NBAS: variants seen among roughly 807,000 people sequenced by gnomAD.
NBAS encodes NBAS subunit of NRZ tethering complex.
Under a neutral mutation model 302.5 loss-of-function variants are expected in NBAS, and 219 were observed. That is an observed-to-expected ratio of 0.72 (90% CI 0.65 to 0.81). The LOEUF (loss-of-function observed/expected upper bound fraction) is 0.81, where lower values mean the gene tolerates loss of function less well. Ranked by LOEUF, NBAS falls within the 30% of genes least tolerant of loss-of-function variation. The pLI, the probability that NBAS is intolerant of heterozygous loss-of-function variation, is 0.00. For missense variants in NBAS, 2,932 were observed against 2,841.6 expected (o/e 1.03, Z -0.72); for synonymous variants, 1,118 against 1,021.6 (o/e 1.09, Z -1.80).
At chr2:15,395,983 T>C (rs1675846406) in intron 27 of NBAS, among the ~76,000 whole-genome samples, 1 of 152,108 alleles carries the variant, frequency 6.6e-6, no homozygotes. Context: ...CAATGTATTA[T>C]GCCCTAAAAA....
intron 44 of NBAS, among the ~76,000 whole-genome samples, chr2:15,254,014 A>G (rs2147994757): frequency 6.6e-6 from 1 of 152,314 alleles, no homozygotes; most frequent in East Asian, 1.9e-4. Flanking sequence ...AGGAACGTGA[A>G]TTCTCCTAAG....
intron 48 of NBAS, among the ~76,000 whole-genome samples, chr2:15,198,950 C>T (rs527623400): frequency 1.0e-3 from 155 of 151,946 alleles, no homozygotes; most frequent in African/African-American, 3.5e-3. Context: ...CATGGGGAAA[C>T]CCCGTCTCTA....
chr2:15,476,027 T>C (rs1680177788), intron 13 of NBAS, 147 bp from the exon 14 acceptor site: 7 of 652,528 alleles, frequency 1.1e-5, no homozygotes, highest in Non-Finnish European at 1.8e-5. Context: ...AAAAATAAAA[T>C]GTAAGTCATT....
At position 15,383,311 on chromosome 2, in the gene NBAS, A is replaced by G. The variant is rs1441751830; in HGVS notation, c.3264T>C (p.Pro1088=). 2.5e-6 allele frequency: 4 copies of G among 1,613,730 alleles called. No homozygotes were observed. The highest frequency in any genetic ancestry group is 3.4e-6 in the Non-Finnish European group (4 of 1,179,672). ...RLTRHTGRKQ[P]PVSESHWRTL... ...TTCTCCAATGAGACTCACTGACAGG[A>G]GGCTGCCTGGAAAAACACATAAAAA... is the stretch of plus-strand genomic sequence containing the variant. Residue 1088 remains proline (P), a synonymous_variant, in exon 29 of 52, where the codon CCT becomes CCC. Transcript: ENST00000281513.
intron 44 of NBAS, among the ~76,000 whole-genome samples, chr2:15,246,158 A>G (rs1214823267): frequency 6.6e-6 from 1 of 152,226 alleles, no homozygotes; most frequent in Non-Finnish European, 1.5e-5. Context: ...ACACTGTAAG[A>G]AAATCTTATT....
At chr2:15,109,743 G>T in the NBAS span, among the ~76,000 whole-genome samples, 1 of 152,014 alleles carries the variant, frequency 6.6e-6, no homozygotes, top group Admixed American at 6.6e-5. Context: ...CCATTCATGA[G>T]AGCTGCACCC....
At chr2:15,074,374 G>A in the NBAS span, among the ~76,000 whole-genome samples, 3 of 137,034 alleles carry the variant, frequency 2.2e-5, no homozygotes, top group Admixed American at 2.3e-4. Context: ...AGGAAGGATG[G>A]AAAGAAGGAA....
the NBAS span, among the ~76,000 whole-genome samples, chr2:15,018,259 T>C: frequency 5.3e-5 from 8 of 152,016 alleles, no homozygotes; most frequent in Admixed American, 2.6e-4. Flanking sequence ...AATAACAATA[T>C]ATTATATAGT....
At chr2:15,080,667 G>T in the NBAS span, among the ~76,000 whole-genome samples, 6 of 152,322 alleles carry the variant, frequency 3.9e-5, no homozygotes, top group Non-Finnish European at 8.8e-5. Flanking sequence ...GGATGGGTTA[G>T]TTCAGAAGAC....
chr2:14,875,667 TATTAAA>T, the NBAS span, among the ~76,000 whole-genome samples: 1 of 152,142 alleles, frequency 6.6e-6, no homozygotes, highest in Admixed American at 6.5e-5. Context: ...CACAATAAAA[TATTAAA>T]ATTAAAAATA....
rs2148429508 is a variant in NBAS, at chr2:15,402,193, C to A, written c.3046G>T (p.Glu1016Ter). The A allele has an allele frequency of 2.5e-6, 4 of 1,613,552 alleles. No individual in the cohort carries two copies. The East Asian group carries it at 8.9e-5, about 36-fold the overall frequency. ...CCATATCCTCTTTCTGGCAGACATT[C>A]TAGTAGGTCATAGCAAAGACAGAGT... ...DQLCLCYDLLECLPERGYGDK... is the reference protein window; with the variant it reads ...DQLCLCYDLL Residue 1016 changes from glutamate to a stop codon, truncating the protein, a stop_gained, in exon 26 of 52, where the codon GAA (glutamate) becomes TAA (stop). Coordinates refer to ENST00000281513, the MANE Select transcript of NBAS (RefSeq NM_015909.4). LOFTEE classifies it high-confidence loss of function.
chr2:15,195,839 A>C (rs1347737404), intron 48 of NBAS, among the ~76,000 whole-genome samples: 2 of 152,148 alleles, frequency 1.3e-5, no homozygotes, highest in Non-Finnish European at 2.9e-5. Flanking sequence ...CTGGTAAGAA[A>C]AGAATGGCTC....
At chr2:15,509,772 T>G (rs1194394341) in intron 10 of NBAS, among the ~76,000 whole-genome samples, 7 of 152,250 alleles carry the variant, frequency 4.6e-5, no homozygotes, top group Non-Finnish European at 1.0e-4. Context: ...TTTTCTAGAT[T>G]TCTTCCCTCA....
Position 15,275,564 on chromosome 2 carries a change from T to C in NBAS, c.5644A>G (p.Lys1882Glu). ...CCTGGGTGGAGACGATCAAAGTACT[T>C]CATGCAGACATCATAGGCATGAAGC... ...EWLHAYDVCM[K>E]YFDRLHPGDL... Residue 1882 changes from lysine to glutamate, a missense_variant, in exon 44 of 52, where the codon AAG becomes GAG. By Grantham distance (56) the Lys-to-Glu change is moderately conservative. Transcript: ENST00000281513. The C allele has an allele frequency of 6.2e-7, 1 of 1,614,072 alleles. No homozygotes were observed. The highest frequency in any genetic ancestry group is 8.5e-7 in the Non-Finnish European group (1 of 1,180,006).
At chr2:15,372,531 T>C (rs890832025) in intron 31 of NBAS, among the ~76,000 whole-genome samples, 11 of 152,178 alleles carry the variant, frequency 7.2e-5, no homozygotes, top group Non-Finnish European at 1.6e-4. Flanking sequence ...CTTTCTCCAA[T>C]ATTACTGATG....
chr2:14,976,501 C>A, the NBAS span, among the ~76,000 whole-genome samples: 1 of 152,168 alleles, frequency 6.6e-6, no homozygotes, highest in African/African-American at 2.4e-5. Context: ...CAATTGAGAT[C>A]CCAGAATGTT....
chr2:15,446,860 A>G (rs1678773716), intron 21 of NBAS, among the ~76,000 whole-genome samples: 1 of 147,542 alleles, frequency 6.8e-6, no homozygotes, highest in South Asian at 2.2e-4. Flanking sequence ...GAAGTCTACT[A>G]TAAACCCTAG....
At chr2:15,069,318 G>A in the NBAS span, among the ~76,000 whole-genome samples, 2 of 152,142 alleles carry the variant, frequency 1.3e-5, no homozygotes, top group Admixed American at 6.5e-5. Flanking sequence ...TCCTGATGAC[G>A]AGCCCAGCAG....
intron 11 of NBAS, among the ~76,000 whole-genome samples, chr2:15,489,680 C>T (rs984901680): frequency 6.6e-6 from 1 of 152,100 alleles, no homozygotes; most frequent in Non-Finnish European, 1.5e-5. Flanking sequence ...TATAGTCAAC[C>T]GAAAGGTACA....
Sources: gnomAD v4.1 joint callset for allele counts (sites outside exome capture counted in the v4.1 genomes callset) on GRCh38, gnomAD v4.1.1 for gene constraint, MANE v1.5 for transcripts, NCBI Gene and HGNC (gene_info 2026-07-23, HGNC 2026-07-21) for gene names.